The following CA7 variants were observed in gnomAD, a reference collection of about 807,000 sequenced individuals.
CA7 encodes the protein carbonate dehydratase VII.
A neutral mutation model predicts 31.4 loss-of-function variants in CA7; 13 were observed. That is an observed-to-expected ratio of 0.41 (90% CI 0.27 to 0.66). The LOEUF is 0.66. CA7 is among the 30% of genes least tolerant of loss of function. The probability of loss-of-function intolerance (pLI) is 0.28; values close to 1 mark genes in which losing one functional copy is unlikely to be tolerated. For synonymous variants in CA7, 128 were observed against 133.2 expected (o/e 0.96, Z 0.27); for missense variants, 215 against 351.0 (o/e 0.61, Z 3.10).
Position 66,853,360 on chromosome 16 carries a change from C to G in CA7, c.673-16C>G. ...CACCCCCAATCTGCCCTGAGCATTC[C>G]TTCTGCTTCCTCAAGATGGGGAAGT... On this transcript the variant is annotated splice_polypyrimidine_tract_variant and intron_variant, in intron 6 of 6. Transcript: ENST00000338437. The surrounding 1 kb of genome is among the most constrained non-coding windows in gnomAD (Gnocchi z 4.5). 1 of 1,614,080 alleles carries G rather than the reference C, an allele frequency of 6.2e-7. No individual in the cohort carries two copies. The highest frequency in any genetic ancestry group is 8.5e-7 in the Non-Finnish European group (1 of 1,179,988).
chr16:66,853,657 C>T lies in CA7; in HGVS notation c.*159C>T. Reference sequence around the variant, plus strand: ...CACCCTGGAGGCTTCTGGATGGGACCCTTGAGTCTGGGGCACCCTTCAGCT... The same window carrying T: ...CACCCTGGAGGCTTCTGGATGGGACTCTTGAGTCTGGGGCACCCTTCAGCT... On this transcript the variant is annotated 3_prime_UTR_variant, in exon 7 of 7. Transcript: ENST00000338437. This position sits in a 1 kb window ranked among gnomAD's most constrained non-coding sequence, Gnocchi z 4.5. 1 of 925,768 alleles carries T rather than the reference C, an allele frequency of 1.1e-6. No homozygotes were observed. The highest frequency in any genetic ancestry group is 1.6e-6 in the Non-Finnish European group (1 of 630,436). 57.3% of individuals were successfully genotyped at this position (925,768 alleles called of 1,614,324 possible).
Position 66,844,418 on chromosome 16 carries a change from C to T in CA7, c.-70C>T. On this transcript the variant is annotated 5_prime_UTR_variant, in exon 1 of 7. Coordinates refer to ENST00000338437, the MANE Select transcript of CA7 (RefSeq NM_005182.3). ...GGCTGCTCCGCGGTAGCGAGCGGGG[C>T]CGGAGCCGCAGCCCGAACGAGCGGA... 4 of 1,350,824 alleles carry T rather than the reference C, an allele frequency of 3.0e-6. No homozygotes were observed. In the South Asian group the frequency reaches 4.1e-5, roughly 14 times the overall value. 83.7% of individuals were successfully genotyped at this position (1,350,824 alleles called of 1,614,324 possible). A position where few individuals can be genotyped will look rare whatever the true frequency, so the allele number is the denominator to read the frequency against.
intron 3 of CA7, among the ~76,000 whole-genome samples, chr16:66,851,108 C>T (rs1433342734): frequency 6.6e-6 from 1 of 152,234 alleles, no homozygotes. Context: ...AGGCTTCCCT[C>T]TGATAACCCT....
intron 2 of CA7, among the ~76,000 whole-genome samples, chr16:66,848,366 T>C (rs545412847): frequency 6.6e-6 from 1 of 152,246 alleles, no homozygotes; most frequent in Admixed American, 6.5e-5. Flanking sequence ...CCCTAGATGA[T>C]AGTTTGGCAA....
Position 66,846,664 on chromosome 16 carries a change from A to C in CA7, c.41-366A>C, listed in dbSNP as rs551622342. Among the ~76,000 whole-genome samples the C allele has an allele frequency of 3.9e-5, 6 of 152,292 alleles. No homozygotes were observed. In the East Asian group the frequency reaches 1.2e-3, roughly 29 times the overall value. ...CAACACCAAATTGCCCAAGGCACAG[A>C]AAGAGGTGAGATACTGATGGGGTCA... On this transcript the variant is annotated intron_variant, in intron 1 of 6. Coordinates refer to ENST00000338437, the MANE Select transcript of CA7 (RefSeq NM_005182.3).
chr16:66,847,270 C>T (rs1180354173), intron 2 of CA7, 43 bp downstream of exon 2: 1 of 1,569,522 alleles, frequency 6.4e-7, no homozygotes, highest in Admixed American at 1.7e-5. Context: ...CCCCTGGCCC[C>T]TTAGGGTCCT....
chr16:66,844,993 C>T (rs1161337645), intron 1 of CA7: 2 of 990,608 alleles, frequency 2.0e-6, no homozygotes, highest in South Asian at 4.7e-5. Context: ...CAGTGTCCCC[C>T]GGAGAGAATT....
Position 66,853,454 on chromosome 16 carries a change from C to T in CA7, c.751C>T (p.Gln251Ter). The T allele has an allele frequency of 6.2e-7, 1 of 1,614,216 alleles. No homozygotes were observed. Among genetic ancestry groups the T allele is most frequent in the Non-Finnish European group, 8.5e-7 (1 of 1,180,040 alleles). Residue 251 changes from glutamine (Q) to a stop codon, truncating the protein, a stop_gained, in exon 7 of 7, where the codon CAG becomes TAG. Coordinates refer to ENST00000338437, the MANE Select transcript of CA7 (RefSeq NM_005182.3). LOFTEE classifies it high-confidence loss of function. This position sits in a 1 kb window ranked among gnomAD's most constrained non-coding sequence, Gnocchi z 4.5. The part of the protein sequence containing the change: ...IHMVNNFRPP[Q>*]PLKGRVVKAS... ...CATGGTGAACAACTTCCGGCCACCA[C>T]AGCCACTGAAGGGCCGCGTGGTAAA...
Position 66,853,309 on chromosome 16 carries a change from G to A in CA7, c.673-67G>A, listed in dbSNP as rs1299227449. The A allele has an allele frequency of 1.9e-6, 3 of 1,584,868 alleles. No individual in the cohort carries two copies. Among genetic ancestry groups the A allele is most frequent in the Non-Finnish European group, 2.6e-6 (3 of 1,156,192 alleles). ...TGGCTGGGCAGGTATGCCAGATGAT[G>A]CATCTGGGGTCATAGAGGACCACAG... is the stretch of plus-strand genomic sequence containing the variant. On this transcript the variant is annotated intron_variant, in intron 6 of 6. Transcript: ENST00000338437. The surrounding 1 kb of genome is among the most constrained non-coding windows in gnomAD (Gnocchi z 4.5).
chr16:66,846,773 T>A (rs1246138770), intron 1 of CA7, among the ~76,000 whole-genome samples: 6 of 152,176 alleles, frequency 3.9e-5, no homozygotes. Context: ...GCTGTTATGT[T>A]CCCTTCCATA....
intron 1 of CA7, chr16:66,845,073 C>T: frequency 1.0e-6 from 1 of 985,906 alleles, no homozygotes; most frequent in Non-Finnish European, 1.2e-6. Flanking sequence ...GGGGCGCAAG[C>T]ATGTGTCTGG....
At chr16:66,851,324 A>C (rs1396429417) in intron 3 of CA7, 139 bp from the exon 4 acceptor site, 4 of 778,014 alleles carry the variant, frequency 5.1e-6, no homozygotes, top group Non-Finnish European at 8.9e-6. Flanking sequence ...TGGACCCCCC[A>C]GCATCCTAAT....
At chr16:66,852,344 T>C (rs1304240380) in intron 5 of CA7, among the ~76,000 whole-genome samples, 1 of 151,778 alleles carries the variant, frequency 6.6e-6, no homozygotes, top group African/African-American at 2.4e-5. Flanking sequence ...ATGCCTACAA[T>C]CTCAGCTACT....
At chr16:66,844,782 C>T in intron 1 of CA7, 1 of 719,850 alleles carries the variant, frequency 1.4e-6, no homozygotes. Context: ...CCGCCTCCTC[C>T]GCGAAGCCCC....
Position 66,851,717 on chromosome 16 carries a change from C to T in CA7, c.507C>T (p.Val169=), listed in dbSNP as rs755245923. Residue 169 remains valine, a synonymous_variant, in exon 5 of 7, where the codon GTC becomes GTT. Transcript: ENST00000338437. ...MNRLTDALYM[V]RFKGTKAQFS... is the part of the protein sequence containing the mutation. ...GTCTGACAGATGCGCTCTACATGGT[C>T]CGGTTCAAGGTAAAGTCCCTGCCCC... is the stretch of plus-strand genomic sequence containing the variant. The T allele has an allele frequency of 6.2e-7, 1 of 1,613,764 alleles. No individual in the cohort carries two copies. The highest frequency in any genetic ancestry group is 2.2e-5 in the East Asian group (1 of 44,878).
Position 66,853,405 on chromosome 16 carries a change from C to T in CA7, c.702C>T (p.Thr234=), listed in dbSNP as rs1597064556. The T allele has an allele frequency of 6.2e-7, 1 of 1,614,114 alleles. No individual in the cohort carries two copies. Among genetic ancestry groups the T allele is most frequent in the Non-Finnish European group, 8.5e-7 (1 of 1,180,016 alleles). ...GGAAGTTCCGGAGCCTGCTTTTTAC[C>T]TCGGAGGACGATGAGAGGATCCACA... ...QMGKFRSLLF[T]SEDDERIHMV... Residue 234 remains threonine (T), a synonymous_variant, in exon 7 of 7, where the codon ACC becomes ACT. Transcript: ENST00000338437. The surrounding 1 kb of genome is among the most constrained non-coding windows in gnomAD (Gnocchi z 4.5).
At chr16:66,852,609 AAAAAG>A (rs911181111) in intron 5 of CA7, 98 bp from the exon 6 acceptor site, 46 of 356,870 alleles carry the variant, frequency 1.3e-4, no homozygotes, top group Non-Finnish European at 1.3e-5. Context: ...AAAGAAAAGA[AAAAAG>A]AAAAGAAAAA....
intron 2 of CA7, among the ~76,000 whole-genome samples, chr16:66,849,359 A>G (rs1276799259): frequency 6.6e-6 from 1 of 152,082 alleles, no homozygotes; most frequent in South Asian, 2.1e-4. Flanking sequence ...GAAAAGCACA[A>G]AGTTTAAAGA....
intron 1 of CA7, among the ~76,000 whole-genome samples, chr16:66,846,308 CTG>C (rs373431023): frequency 2.0e-5 from 3 of 152,096 alleles, no homozygotes; most frequent in East Asian, 1.9e-4. Flanking sequence ...GTCTGCAGGG[CTG>C]TGTGTGTGTT....
Sources: allele counts gnomAD v4.1 joint callset (sites outside exome capture counted in the v4.1 genomes callset), GRCh38; gene constraint gnomAD v4.1.1; non-coding constraint Gnocchi (gnomAD v3.1); transcripts MANE v1.5; gene names NCBI Gene and HGNC (gene_info 2026-07-23, HGNC 2026-07-21).